CASK: variants seen among roughly 807,000 people sequenced by gnomAD.
CASK encodes the protein calcium/calmodulin dependent serine protein kinase, also known as peripheral plasma membrane protein CASK.
Under a neutral mutation model 82.9 loss-of-function variants are expected in CASK, and 4 were observed. That is an observed-to-expected ratio of 0.05 (90% confidence interval 0.02 to 0.11). The LOEUF (loss-of-function observed/expected upper bound fraction) is 0.11. Ranked by LOEUF, CASK falls within the 10% of genes least tolerant of loss-of-function variation. The pLI, the probability that CASK is intolerant of heterozygous loss-of-function variation, is 1.00. For synonymous variants in CASK, 259 were observed against 253.5 expected (o/e 1.02, Z -0.20); for missense variants, 358 against 720.9 (o/e 0.50, Z 5.76).
intron 3 of CASK, among the ~76,000 whole-genome samples, chrX:41,785,907 C>T (rs2069588312): frequency 8.9e-6 from 1 of 111,841 alleles, no homozygotes; most frequent in African/African-American, 3.2e-5. Flanking sequence ...TGACTTCTGT[C>T]TTGCTCATAC....
In CASK at chrX:41,523,966, A is replaced by T. The variant is rs367611761; in HGVS notation, c.2589T>A (p.Thr863=). 1 of 1,193,670 alleles carries T rather than the reference A, an allele frequency of 8.4e-7. No homozygotes were observed. The highest frequency in any genetic ancestry group is 1.8e-5 in the African/African-American group (1 of 56,403). The change falls in exon 26 of 27, where the codon ACT becomes ACA. Residue 863 remains threonine, a synonymous_variant. Transcript: ENST00000378163. The stretch of plus-strand genomic sequence containing the variant: ...TGATTCTTACCTCATTTAAACCTGG[A>T]GTAATAGTTGGTGCAGCAATGAAAA... The part of the protein sequence containing the change: ...FVVFIAAPTI[T]PGLNEDESLQ...
At chrX:41,527,525 C>T (rs1372865764) in intron 25 of CASK, among the ~76,000 whole-genome samples, 1 of 111,833 alleles carries the variant, frequency 8.9e-6, no homozygotes, top group Non-Finnish European at 1.9e-5. Flanking sequence ...TTAAAAGGCA[C>T]ACAGAGGCAA....
At chrX:41,724,708 A>G (rs2068226383) in intron 5 of CASK, among the ~76,000 whole-genome samples, 1 of 112,055 alleles carries the variant, frequency 8.9e-6, no homozygotes, top group African/African-American at 3.2e-5. Context: ...ATGGTGACCT[A>G]GTTGTTGACT....
chrX:41,785,991 G>A (rs960847846), intron 3 of CASK, among the ~76,000 whole-genome samples: 3 of 112,198 alleles, frequency 2.7e-5, no homozygotes, highest in South Asian at 7.4e-4. Context: ...GAGGCCCAAC[G>A]GACAAGGAAC....
intron 2 of CASK, among the ~76,000 whole-genome samples, chrX:41,841,671 G>A (rs1356970858): frequency 9.1e-6 from 1 of 109,609 alleles, no homozygotes; most frequent in Non-Finnish European, 1.9e-5. Flanking sequence ...TTACAGGCAT[G>A]CACCACCACC....
At position 41,877,250 on chromosome X, in the gene CASK, A is replaced by C. The variant is rs768760866; in HGVS notation, c.60-24023T>G. On this transcript the variant is annotated intron_variant, in intron 1 of 26. Coordinates refer to ENST00000378163, the MANE Select transcript of CASK (RefSeq NM_001367721.1). ...TGGAACAGGTGTGTTCTAATTCTAA[A>C]TGCATCACTTAACTATTAGTTCCAA... 7.2e-5 allele frequency among the ~76,000 whole-genome samples: 8 copies of C among 111,685 alleles called. No individual in the cohort carries two copies. The South Asian group carries it at 1.9e-3, about 26-fold the overall frequency.
At chrX:41,762,712 T>C (rs2069024913) in intron 3 of CASK, among the ~76,000 whole-genome samples, 1 of 111,614 alleles carries the variant, frequency 9.0e-6, no homozygotes, top group Admixed American at 9.5e-5. Context: ...TACTTACCGA[T>C]GGTTTTATTT....
intron 8 of CASK, among the ~76,000 whole-genome samples, chrX:41,649,241 C>G (rs185350630): frequency 9.0e-6 from 1 of 111,316 alleles, no homozygotes; most frequent in South Asian, 3.7e-4. Flanking sequence ...TTTTTTGTGT[C>G]TCTATTTCCT....
Position 41,690,180 on chromosome X carries a change from G to T in CASK, c.430-18650C>A, listed in dbSNP as rs1036009198. Among the ~76,000 whole-genome samples the T allele has an allele frequency of 9.0e-5, 10 of 111,087 alleles. No individual in the cohort carries two copies. In the Admixed American group the frequency reaches 9.6e-4, roughly 11 times the overall value. ...ATCCCCTATGTAAACACAGTGGTTT[G>T]TTTCTTGTCTTCACAAGCAATTCTT... On this transcript the variant is annotated intron_variant, in intron 5 of 26. Coordinates refer to ENST00000378163, the MANE Select transcript of CASK (RefSeq NM_001367721.1).
At chrX:41,844,841 CT>C (rs768336623) in intron 2 of CASK, among the ~76,000 whole-genome samples, 3 of 111,759 alleles carry the variant, frequency 2.7e-5, no homozygotes, top group Non-Finnish European at 5.7e-5. Flanking sequence ...AAACTTCCCC[CT>C]AATCACTGCT....
At chrX:41,609,795 GAT>G (rs2066016663) in intron 12 of CASK, 107 bp downstream of exon 12, 1 of 812,776 alleles carries the variant, frequency 1.2e-6, no homozygotes, top group African/African-American at 2.1e-5. Flanking sequence ...CTGACCTCCT[GAT>G]ACGCCCGCCT....
chrX:41,710,906 T>C (rs1238412174), intron 5 of CASK, among the ~76,000 whole-genome samples: 1 of 111,973 alleles, frequency 8.9e-6, no homozygotes, highest in Non-Finnish European at 1.9e-5. Flanking sequence ...TAGCTGAACT[T>C]GTGGAGTTTC....
intron 1 of CASK, among the ~76,000 whole-genome samples, chrX:41,887,296 C>CCACACACACACACA (rs3055225): frequency 1.1e-4 from 9 of 83,509 alleles, no homozygotes; most frequent in Non-Finnish European, 2.1e-4. Context: ...CTAGTTGAGT[C>CCACACACACACACA]CACACACACA....
rs143910922 is a variant in CASK at position 41,807,859 on chromosome X, T to G, written c.173-20576A>C. Among the ~76,000 whole-genome samples, 25 of 111,392 alleles carry G rather than the reference T, an allele frequency of 2.2e-4. No individual in the cohort carries two copies. In the East Asian group the frequency reaches 3.6e-3, roughly 16 times the overall value. ...ATCACTTCTTTATGTATGTATGTAT[T>G]TATTTATTTATTTGAGACGGAGTTT... On this transcript the variant is annotated intron_variant, in intron 2 of 26. Coordinates refer to ENST00000378163, the MANE Select transcript of CASK (RefSeq NM_001367721.1).
At chrX:41,700,087 A>C (rs1234426364) in intron 5 of CASK, among the ~76,000 whole-genome samples, 1 of 111,985 alleles carries the variant, frequency 8.9e-6, no homozygotes, top group Non-Finnish European at 1.9e-5. Flanking sequence ...GGGCAAAATG[A>C]ATTGTCTGGC....
At chrX:41,748,003 G>T (rs2068721861) in intron 3 of CASK, among the ~76,000 whole-genome samples, 1 of 112,142 alleles carries the variant, frequency 8.9e-6, no homozygotes, top group Non-Finnish European at 1.9e-5. Flanking sequence ...TGTAGTTTAA[G>T]CTGGTTAGTT....
chrX:41,878,552 C>T (rs1348754982), intron 1 of CASK, among the ~76,000 whole-genome samples: 1 of 110,913 alleles, frequency 9.0e-6, no homozygotes, highest in Admixed American at 9.6e-5. Flanking sequence ...TCAAAAAATA[C>T]CCTTGTAGAG....
rs753828301 is a variant in CASK, at chrX:41,563,335, C to T, written c.1583-1691G>A. 1.5e-3 allele frequency among the ~76,000 whole-genome samples: 127 copies of T among 83,438 alleles called. 1 individual carries two copies. The highest frequency in any genetic ancestry group is 5.6e-3 in the African/African-American group (116 of 20,725). The allele number at this position is 83,438 out of a possible 115,157, so 72.5% of individuals were successfully genotyped here. On this transcript the variant is annotated intron_variant, in intron 16 of 26. Transcript: ENST00000378163. ...TTATGCTACTGCATTCCAGCCTGGCCGATGGAGCAAGACCCTGTCTCAAAA... is the reference window on the plus strand; with the variant it reads ...TTATGCTACTGCATTCCAGCCTGGCTGATGGAGCAAGACCCTGTCTCAAAA...
intron 8 of CASK, among the ~76,000 whole-genome samples, chrX:41,642,017 T>C (rs886300468): frequency 9.1e-6 from 1 of 109,635 alleles, no homozygotes; most frequent in East Asian, 2.9e-4. Flanking sequence ...GTCCTTCTGA[T>C]AGTTTGCTGA....
Sources: gnomAD v4.1 joint callset for allele counts (sites outside exome capture counted in the v4.1 genomes callset) on GRCh38, gnomAD v4.1.1 for gene constraint, MANE v1.5 for transcripts, NCBI Gene and HGNC (gene_info 2026-07-23, HGNC 2026-07-21) for gene names.